The following PALLD variants were observed in gnomAD, a reference collection of about 807,000 sequenced individuals.
PALLD encodes the protein palladin, cytoskeletal associated protein.
PALLD carries 61 observed loss-of-function variants against 123.5 expected under a neutral mutation model. The observed-to-expected ratio is 0.49, with a 90% CI of 0.40 to 0.61. The LOEUF is 0.61. PALLD is among the 20% of genes least tolerant of loss of function. The pLI, the probability that PALLD is intolerant of heterozygous loss-of-function variation, is 0.00. For synonymous variants in PALLD, 465 were observed against 496.4 expected (o/e 0.94, Z 0.84); for missense variants, 1,273 against 1,377.0 (o/e 0.92, Z 1.20).
chr4:168,870,427 A>C (rs1750923922), intron 10 of PALLD, among the ~76,000 whole-genome samples: 1 of 152,230 alleles, frequency 6.6e-6, no homozygotes, highest in Non-Finnish European at 1.5e-5. Context: ...TTCCTTTTGT[A>C]AGATTTACCA....
At chr4:168,571,114 A>G (rs139667605) in intron 2 of PALLD, among the ~76,000 whole-genome samples, 154 of 152,282 alleles carry the variant, frequency 1.0e-3, no homozygotes, top group African/African-American at 3.5e-3. Context: ...CTTGCAGTCC[A>G]TGAATTTTCT....
intron 10 of PALLD, chr4:168,832,213 T>A (rs1744339164): frequency 1.0e-6 from 1 of 984,500 alleles, no homozygotes; most frequent in Admixed American, 6.2e-5. Context: ...GGAAGAAATG[T>A]GTGAATTAAA....
intron 2 of PALLD, among the ~76,000 whole-genome samples, chr4:168,635,347 C>T (rs925275148): frequency 2.6e-5 from 4 of 152,190 alleles, no homozygotes; most frequent in African/African-American, 4.8e-5. Flanking sequence ...TCCATGGGAA[C>T]ACATAACACT....
chr4:168,866,992 A>G (rs1750381853), intron 10 of PALLD, among the ~76,000 whole-genome samples: 1 of 152,206 alleles, frequency 6.6e-6, no homozygotes, highest in African/African-American at 2.4e-5. Context: ...CATGGTAAAT[A>G]TAAGATAAGT....
chr4:168,878,126 G>T, intron 10 of PALLD: 1 of 1,478,386 alleles, frequency 6.8e-7, no homozygotes, highest in East Asian at 2.9e-5. Flanking sequence ...TGAGCCCGAG[G>T]CCCCGTGGGG....
chr4:168,514,905 TTCTGCC>T (rs1762853344), intron 2 of PALLD, among the ~76,000 whole-genome samples: 1 of 152,216 alleles, frequency 6.6e-6, no homozygotes, highest in Non-Finnish European at 1.5e-5. Context: ...AAATTCACAC[TTCTGCC>T]TCTTTGGGGG....
At chr4:168,586,153 TAAAAAAAAAAAAAAA>T (rs35474736) in intron 2 of PALLD, among the ~76,000 whole-genome samples, 1 of 75,520 alleles carries the variant, frequency 1.3e-5, no homozygotes, top group Non-Finnish European at 2.5e-5. Flanking sequence ...TCAAGAGACC[TAAAAAAAAAAAAAAA>T]AAAAAAAAAA....
chr4:168,812,597 A>G (rs1469046201), intron 10 of PALLD, among the ~76,000 whole-genome samples: 1 of 152,142 alleles, frequency 6.6e-6, no homozygotes, highest in Non-Finnish European at 1.5e-5. Flanking sequence ...TTTAAGTTAC[A>G]CACTCTCTCC....
intron 15 of PALLD, among the ~76,000 whole-genome samples, chr4:168,905,220 G>C (rs190064789): frequency 7.9e-6 from 1 of 125,840 alleles, no homozygotes; most frequent in Non-Finnish European, 1.6e-5. Context: ...GCGCGATCTC[G>C]GCTCACTGCA....
chr4:168,823,846 G>A (rs1743058100), intron 10 of PALLD, among the ~76,000 whole-genome samples: 1 of 152,214 alleles, frequency 6.6e-6, no homozygotes, highest in South Asian at 2.1e-4. Context: ...GATGCTAAAA[G>A]ACTGTGTCTG....
chr4:168,735,836 GT>G (rs1787693262), intron 10 of PALLD, among the ~76,000 whole-genome samples: 1 of 152,038 alleles, frequency 6.6e-6, no homozygotes, highest in African/African-American at 2.4e-5. Context: ...AGTTGTATCC[GT>G]TTTGACTCTG....
intron 10 of PALLD, among the ~76,000 whole-genome samples, chr4:168,816,688 TA>T (rs1742003453): frequency 6.6e-6 from 1 of 152,074 alleles, no homozygotes; most frequent in Non-Finnish European, 1.5e-5. Context: ...GCAGTCTTTT[TA>T]AACAGCTGAA....
chr4:168,553,101 G>T (rs1766911017), intron 2 of PALLD, among the ~76,000 whole-genome samples: 3 of 152,114 alleles, frequency 2.0e-5, no homozygotes, highest in Admixed American at 1.3e-4. Context: ...CCATTTTAAA[G>T]ATGTGAAAAC....
chr4:168,749,412 A>G (rs1262712521), intron 10 of PALLD, among the ~76,000 whole-genome samples: 1 of 152,160 alleles, frequency 6.6e-6, no homozygotes, highest in East Asian at 1.9e-4. Flanking sequence ...CCTTTAAAAA[A>G]AAAAAAAAAA....
chr4:168,610,271 T>A (rs531705112), intron 2 of PALLD, among the ~76,000 whole-genome samples: 1 of 152,344 alleles, frequency 6.6e-6, no homozygotes, highest in African/African-American at 2.4e-5. Flanking sequence ...CCTGAGGGCA[T>A]TCATCTCCTT....
intron 10 of PALLD, among the ~76,000 whole-genome samples, chr4:168,834,415 A>G (rs1182643209): frequency 1.3e-5 from 2 of 152,084 alleles, no homozygotes; most frequent in Non-Finnish European, 2.9e-5. Context: ...TGAGCTCTAG[A>G]TAGTTTTTAG....
chr4:168,926,467 C>A lies in PALLD; in HGVS notation c.*287C>A. ...TTCCTTTGTCACATTATGTAAAAGGCAGAAACATACCTTTGACTATAAGAA... is the reference window on the plus strand; with the variant it reads ...TTCCTTTGTCACATTATGTAAAAGGAAGAAACATACCTTTGACTATAAGAA... On this transcript the variant is annotated 3_prime_UTR_variant, in exon 22 of 22. Coordinates refer to ENST00000505667, the MANE Select transcript of PALLD (RefSeq NM_001166108.2). 2.1e-6 allele frequency: 2 copies of A among 930,668 alleles called. No homozygotes were observed. The highest frequency in any genetic ancestry group is 3.2e-6 in the Non-Finnish European group (2 of 623,414). 57.7% of individuals were successfully genotyped at this position (930,668 alleles called of 1,614,324 possible). A position where few individuals can be genotyped will look rare whatever the true frequency, so the allele number is the denominator to read the frequency against.
At chr4:168,587,472 G>T (rs138520956) in intron 2 of PALLD, among the ~76,000 whole-genome samples, 4 of 152,284 alleles carry the variant, frequency 2.6e-5, no homozygotes, top group African/African-American at 9.6e-5. Context: ...AGATTTCACT[G>T]GAAAGACTGC....
At chr4:168,674,483 GAT>G (rs1780635903) in intron 3 of PALLD, among the ~76,000 whole-genome samples, 1 of 152,112 alleles carries the variant, frequency 6.6e-6, no homozygotes, top group African/African-American at 2.4e-5. Flanking sequence ...CAGCAAACAA[GAT>G]AAGAAAGAAA....
Sources: gnomAD v4.1 joint callset for allele counts (sites outside exome capture counted in the v4.1 genomes callset) on GRCh38, gnomAD v4.1.1 for gene constraint, MANE v1.5 for transcripts, NCBI Gene and HGNC (gene_info 2026-07-23, HGNC 2026-07-21) for gene names.